The following ACSL4 variants were observed in gnomAD, a reference collection of about 807,000 sequenced individuals.
ACSL4 encodes the protein acyl-CoA synthetase long chain family member 4.
Under a neutral mutation model 49.1 loss-of-function variants are expected in ACSL4, and 9 were observed. That is an observed-to-expected ratio of 0.18 (90% CI 0.11 to 0.32). The LOEUF (loss-of-function observed/expected upper bound fraction) is 0.32. ACSL4 is among the 10% of genes least tolerant of loss of function. ACSL4 has a pLI of 1.00. For missense variants in ACSL4, 333 were observed against 493.7 expected (o/e 0.67, Z 3.08); for synonymous variants, 191 against 170.3 (o/e 1.12, Z -0.95).
chrX:109,645,661 A>G (rs1934651524), intron 15 of ACSL4, among the ~76,000 whole-genome samples: 1 of 112,619 alleles, frequency 8.9e-6, no homozygotes, highest in Non-Finnish European at 1.9e-5. Context: ...AACGGAACAA[A>G]GCTGGACGGA....
intron 14 of ACSL4, among the ~76,000 whole-genome samples, chrX:109,659,789 A>C (rs1922018954): frequency 9.0e-6 from 1 of 111,014 alleles, no homozygotes; most frequent in Non-Finnish European, 1.9e-5. Context: ...CTCGTCAACA[A>C]ATGGTACTAG....
At chrX:109,732,043 G>A (rs931417633) in intron 1 of ACSL4, among the ~76,000 whole-genome samples, 2 of 112,523 alleles carry the variant, frequency 1.8e-5, no homozygotes, top group South Asian at 3.6e-4. Context: ...TGAATTTAGA[G>A]GTCCTAGAAT....
chrX:109,714,963 CA>C (rs1165253952), intron 1 of ACSL4, among the ~76,000 whole-genome samples: 1 of 111,789 alleles, frequency 8.9e-6, no homozygotes, highest in Non-Finnish European at 1.9e-5. Flanking sequence ...ATAAAAAAAG[CA>C]AGAGGTGCAG....
chrX:109,663,059 G>T, intron 13 of ACSL4, 152 bp downstream of exon 13: 2 of 482,939 alleles, frequency 4.1e-6, no homozygotes, highest in Non-Finnish European at 6.9e-6. Context: ...TCCTTGTTTT[G>T]CTGATGGAGA....
chrX:109,649,792 A>T (rs1389657893), intron 15 of ACSL4, among the ~76,000 whole-genome samples: 1 of 108,927 alleles, frequency 9.2e-6, no homozygotes, highest in Non-Finnish European at 1.9e-5. Context: ...CAAAGGGCTA[A>T]TATCCAGAAT....
intron 1 of ACSL4, among the ~76,000 whole-genome samples, chrX:109,717,395 C>A (rs1417077248): frequency 1.8e-5 from 2 of 110,495 alleles, no homozygotes; most frequent in Admixed American, 1.9e-4. Flanking sequence ...ACTAGGGAGG[C>A]TGAGGCAGGA....
At chrX:109,646,628 A>C (rs1413983749) in intron 15 of ACSL4, among the ~76,000 whole-genome samples, 1 of 109,467 alleles carries the variant, frequency 9.1e-6, no homozygotes, top group African/African-American at 3.3e-5. Flanking sequence ...GAGCAAAATA[A>C]CCAGCTAACA....
intron 6 of ACSL4, among the ~76,000 whole-genome samples, chrX:109,679,227 A>G (rs892890231): frequency 1.8e-5 from 2 of 112,215 alleles, no homozygotes; most frequent in Admixed American, 9.5e-5. Context: ...GGTGACTTCA[A>G]TGCTAACATT....
chrX:109,646,279 G>A (rs1198367982), intron 15 of ACSL4, among the ~76,000 whole-genome samples: 1 of 111,609 alleles, frequency 9.0e-6, no homozygotes, highest in African/African-American at 3.3e-5. Flanking sequence ...GAGAAAGGTT[G>A]GGGTACCCTC....
At chrX:109,716,323 T>C (rs1430711523) in intron 1 of ACSL4, among the ~76,000 whole-genome samples, 1 of 112,329 alleles carries the variant, frequency 8.9e-6, no homozygotes, top group Non-Finnish European at 1.9e-5. Flanking sequence ...ATAGTTACCC[T>C]CTGGAATTAA....
intron 12 of ACSL4, among the ~76,000 whole-genome samples, chrX:109,664,062 TTG>T (rs1303662593): frequency 3.6e-5 from 4 of 111,564 alleles, no homozygotes; most frequent in African/African-American, 1.3e-4. Context: ...AGACTAGATT[TTG>T]TGTCATAAAA....
chrX:109,649,053 A>G (rs1934883971), intron 15 of ACSL4, among the ~76,000 whole-genome samples: 1 of 109,356 alleles, frequency 9.1e-6, no homozygotes, highest in Non-Finnish European at 1.9e-5. Context: ...AGAACATTCC[A>G]TGCTCATGGG....
Position 109,677,989 on chromosome X carries a change from T to C in ACSL4, c.929A>G (p.Gln310Arg), listed in dbSNP as rs1259618250. ...GYSSPLTLSD[Q>R]SSKIKKGSKG... Reference sequence around the variant, plus strand: ...CCAATATACTGAAAAGTTTGTCACCTGGTCAGAGAGTGTAAGCGGAGAAGA... The same window carrying C: ...CCAATATACTGAAAAGTTTGTCACCCGGTCAGAGAGTGTAAGCGGAGAAGA... The change falls in exon 8 of 16, where the codon CAG becomes CGG. Residue 310 changes from glutamine to arginine, a missense_variant and splice_region_variant. Transcript: ENST00000672401. 3.3e-6 allele frequency: 4 copies of C among 1,211,400 alleles called. No individual in the cohort carries two copies. In the Admixed American group the frequency reaches 6.5e-5, roughly 20 times the overall value.
At chrX:109,725,620 A>C (rs1406447894) in intron 1 of ACSL4, among the ~76,000 whole-genome samples, 2 of 110,287 alleles carry the variant, frequency 1.8e-5, no homozygotes, top group African/African-American at 6.6e-5. Context: ...AAAATTAGCC[A>C]GGTGTGGTGG....
At chrX:109,690,510 C>T in intron 2 of ACSL4, among the ~76,000 whole-genome samples, 1 of 111,581 alleles carries the variant, frequency 9.0e-6, no homozygotes, top group Non-Finnish European at 1.9e-5. Context: ...TCAGAAAACT[C>T]CTTTGAGGTA....
In ACSL4 at chrX:109,658,941, T is replaced by C. The variant is rs758836511; in HGVS notation, c.1855+413A>G. 1.9e-4 allele frequency among the ~76,000 whole-genome samples: 21 copies of C among 111,525 alleles called. No homozygotes were observed. In the South Asian group the frequency reaches 6.9e-3, roughly 37 times the overall value. On this transcript the variant is annotated intron_variant, in intron 15 of 15. Coordinates refer to ENST00000672401, the MANE Select transcript of ACSL4 (RefSeq NM_001318510.2). ...TACTATATAAGCAGATTTTCTCCAATTGGTTATTAATGTACCATCTGAAGA... is the reference window on the plus strand; with the variant it reads ...TACTATATAAGCAGATTTTCTCCAACTGGTTATTAATGTACCATCTGAAGA...
chrX:109,682,988 T>C (rs1924294553), intron 3 of ACSL4, 92 bp from the exon 4 acceptor site: 1 of 1,063,400 alleles, frequency 9.4e-7, no homozygotes, highest in Non-Finnish European at 1.3e-6. Flanking sequence ...TGCTCTTAAA[T>C]GAACATACAG....
At chrX:109,644,533 T>C (rs937968908) in intron 15 of ACSL4, among the ~76,000 whole-genome samples, 1 of 112,029 alleles carries the variant, frequency 8.9e-6, no homozygotes, top group African/African-American at 3.2e-5. Flanking sequence ...CATCTTCCTC[T>C]TCAGAGACTT....
chrX:109,660,308 A>C (rs181419998), intron 14 of ACSL4, among the ~76,000 whole-genome samples: 122 of 112,066 alleles, frequency 1.1e-3, no homozygotes, highest in Non-Finnish European at 2.1e-3. Flanking sequence ...CAGCGATAAT[A>C]TATGAATGGC....
Sources: allele counts gnomAD v4.1 joint callset (sites outside exome capture counted in the v4.1 genomes callset), GRCh38; gene constraint gnomAD v4.1.1; transcripts MANE v1.5; gene names NCBI Gene and HGNC (gene_info 2026-07-23, HGNC 2026-07-21).